Variants in MEMO1 observed in about 807,000 individuals in gnomAD.
The protein encoded by MEMO1 is protein MEMO1.
A neutral mutation model predicts 45.2 loss-of-function variants in MEMO1; 6 were observed. The ratio of observed to expected loss-of-function variants is 0.13; its 90% confidence interval spans 0.07 to 0.26. The LOEUF is 0.26. Ranked by LOEUF, MEMO1 falls within the 10% of genes least tolerant of loss-of-function variation. The probability of loss-of-function intolerance (pLI) is 1.00; values close to 1 mark genes in which losing one functional copy is unlikely to be tolerated. For synonymous variants in MEMO1, 78 were observed against 124.3 expected (o/e 0.63, Z 2.48); for missense variants, 184 against 370.5 (o/e 0.50, Z 4.13).
chr2:31,946,008 T>C (rs1666153092), intron 2 of MEMO1, among the ~76,000 whole-genome samples: 1 of 152,312 alleles, frequency 6.6e-6, no homozygotes, highest in African/African-American at 2.4e-5. Flanking sequence ...TTTTAGCAGA[T>C]TGCTTGTGAT....
At chr2:31,927,012 A>G (rs1683211432) in intron 4 of MEMO1, among the ~76,000 whole-genome samples, 1 of 152,130 alleles carries the variant, frequency 6.6e-6, no homozygotes, top group Non-Finnish European at 1.5e-5. Context: ...TTCAAACTGT[A>G]AAACAGACAA....
intron 2 of MEMO1, among the ~76,000 whole-genome samples, chr2:31,955,566 T>C (rs902198180): frequency 1.1e-4 from 16 of 152,270 alleles, no homozygotes; most frequent in African/African-American, 3.6e-4. Context: ...CAAAAATTCA[T>C]GAGAATGTTC....
At chr2:31,970,024 T>G (rs1023930820) in intron 2 of MEMO1, among the ~76,000 whole-genome samples, 63 of 151,992 alleles carry the variant, frequency 4.1e-4, no homozygotes, top group African/African-American at 1.5e-3. Context: ...CAGGCTGGAG[T>G]GCAGTGGCGC....
chr2:31,991,298 C>T (rs1437134281), intron 2 of MEMO1, among the ~76,000 whole-genome samples: 2 of 152,098 alleles, frequency 1.3e-5, no homozygotes, highest in Non-Finnish European at 2.9e-5. Flanking sequence ...ATGGGCCGGG[C>T]GCGGTGGCTC....
At chr2:31,996,531 G>A (rs1405703427) in intron 2 of MEMO1, among the ~76,000 whole-genome samples, 1 of 151,674 alleles carries the variant, frequency 6.6e-6, no homozygotes, top group East Asian at 1.9e-4. Context: ...GCAACAGAGT[G>A]ACACCCTATC....
intron 6 of MEMO1, among the ~76,000 whole-genome samples, chr2:31,894,974 C>G (rs905612154): frequency 1.3e-5 from 2 of 151,962 alleles, no homozygotes; most frequent in African/African-American, 2.4e-5. Context: ...TAGCTAAGCA[C>G]TAAATTAAGG....
rs546381736 is a variant in MEMO1 at position 31,950,324 on chromosome 2, T to C, written c.62-6941A>G. On this transcript the variant is annotated intron_variant, in intron 2 of 9. Transcript: ENST00000404530. ...TGAACCTGGAAGGCAGAGGTTGCAGTGAGCAGAGATCACAGCACTGAACTC... is the reference window on the plus strand; with the variant it reads ...TGAACCTGGAAGGCAGAGGTTGCAGCGAGCAGAGATCACAGCACTGAACTC... Among the ~76,000 whole-genome samples, 5 of 149,960 alleles carry C rather than the reference T, an allele frequency of 3.3e-5. No individual in the cohort carries two copies. The South Asian group carries it at 1.0e-3, about 31-fold the overall frequency.
chr2:31,949,818 A>C (rs1216218838), intron 2 of MEMO1, among the ~76,000 whole-genome samples: 1 of 152,174 alleles, frequency 6.6e-6, no homozygotes, highest in Non-Finnish European at 1.5e-5. Flanking sequence ...ATTCCCTTGC[A>C]ACTATTAGCA....
In MEMO1 at chr2:31,899,010, T is replaced by C. The variant is rs1444733010; in HGVS notation, c.438-6876A>G. Among the ~76,000 whole-genome samples, 7 of 152,132 alleles carry C rather than the reference T, an allele frequency of 4.6e-5. 1 individual carries two copies. In the East Asian group the frequency reaches 1.4e-3, roughly 29 times the overall value. Reference sequence around the variant, plus strand: ...TCATATTTGTTGGTTTAAAGTCTGTTTTATCAGAGACAAGGGAATAAGAGA... The same window carrying C: ...TCATATTTGTTGGTTTAAAGTCTGTCTTATCAGAGACAAGGGAATAAGAGA... On this transcript the variant is annotated intron_variant, in intron 6 of 9. Coordinates refer to ENST00000404530, the MANE Select transcript of MEMO1 (RefSeq NM_001301833.4).
intron 8 of MEMO1, among the ~76,000 whole-genome samples, chr2:31,879,703 T>A (rs1290853507): frequency 6.6e-6 from 1 of 152,222 alleles, no homozygotes; most frequent in Non-Finnish European, 1.5e-5. Context: ...GATATTTTTG[T>A]TCTTTTCATA....
At chr2:31,960,345 G>A (rs1667874081) in intron 2 of MEMO1, among the ~76,000 whole-genome samples, 1 of 152,092 alleles carries the variant, frequency 6.6e-6, no homozygotes, top group African/African-American at 2.4e-5. Flanking sequence ...ATTTGGTGTT[G>A]GAAGCATAGC....
At chr2:31,978,563 G>A in intron 2 of MEMO1, among the ~76,000 whole-genome samples, 1 of 152,152 alleles carries the variant, frequency 6.6e-6, no homozygotes, top group East Asian at 1.9e-4. Flanking sequence ...TTCCCGAGTA[G>A]CTAGGACTAC....
intron 7 of MEMO1, among the ~76,000 whole-genome samples, chr2:31,887,742 T>G (rs1335990290): frequency 1.3e-5 from 2 of 152,152 alleles, no homozygotes; most frequent in Non-Finnish European, 2.9e-5. Context: ...AAAATCTGCA[T>G]GTACAAATAT....
At chr2:31,923,980 T>C (rs1284363563) in intron 4 of MEMO1, among the ~76,000 whole-genome samples, 1 of 152,108 alleles carries the variant, frequency 6.6e-6, no homozygotes, top group East Asian at 1.9e-4. Context: ...CAATCTGAAT[T>C]AACCAATTCT....
chr2:31,975,253 T>C (rs1669876259), intron 2 of MEMO1, among the ~76,000 whole-genome samples: 1 of 152,212 alleles, frequency 6.6e-6, no homozygotes, highest in Non-Finnish European at 1.5e-5. Flanking sequence ...AAAAGAATTA[T>C]TTAAAAAGAA....
intron 8 of MEMO1, among the ~76,000 whole-genome samples, chr2:31,871,438 T>TA (rs769303905): frequency 2.6e-5 from 4 of 152,090 alleles, no homozygotes; most frequent in Non-Finnish European, 2.9e-5. Flanking sequence ...TTTAATTCTA[T>TA]AAAAAAACTT....
At chr2:31,904,361 GA>G (rs1553362805) in intron 6 of MEMO1, among the ~76,000 whole-genome samples, 1 of 152,184 alleles carries the variant, frequency 6.6e-6, no homozygotes, top group Non-Finnish European at 1.5e-5. Context: ...TGAGAGCCTG[GA>G]ATTTTGGTAG....
At chr2:31,883,270 G>T in intron 8 of MEMO1, 116 bp downstream of exon 8, 1 of 737,808 alleles carries the variant, frequency 1.4e-6, no homozygotes, top group Non-Finnish European at 2.2e-6. Flanking sequence ...ATTGCATTTT[G>T]TACATTTAAA....
intron 2 of MEMO1, among the ~76,000 whole-genome samples, chr2:31,948,249 G>T (rs1429503878): frequency 6.6e-6 from 1 of 152,224 alleles, no homozygotes; most frequent in Non-Finnish European, 1.5e-5. Context: ...GCTGGTAAGA[G>T]AAACATTTCT....
Sources: allele counts gnomAD v4.1 joint callset (sites outside exome capture counted in the v4.1 genomes callset), GRCh38; gene constraint gnomAD v4.1.1; transcripts MANE v1.5; gene names NCBI Gene and HGNC (gene_info 2026-07-23, HGNC 2026-07-21).